Variants in KCNMA1 observed in about 807,000 individuals in gnomAD.
KCNMA1 encodes the protein potassium calcium-activated channel subfamily M alpha 1, also known as Calcium-activated potassium channel subunit alpha-1.
A neutral mutation model predicts 140.0 loss-of-function variants in KCNMA1; 29 were observed. That is an observed-to-expected ratio of 0.21 (90% CI 0.15 to 0.28). KCNMA1 has a LOEUF of 0.28. KCNMA1 is among the 10% of genes least tolerant of loss of function. KCNMA1 has a pLI of 1.00. For missense variants in KCNMA1, 880 were observed against 1,602.2 expected, an observed-to-expected ratio of 0.55 and a Z score of 7.70; for synonymous variants, 612 against 611.9, an observed-to-expected ratio of 1.00 and a Z score of 0.00.
chr10:77,475,109 GC>G (rs1314944727), intron 1 of KCNMA1, among the ~76,000 whole-genome samples: 25 of 152,164 alleles, frequency 1.6e-4, no homozygotes, highest in African/African-American at 6.0e-4. Context: ...TTTGCTAAGT[GC>G]CTCAACTTGT....
chr10:76,985,177 G>A (rs534487961), intron 19 of KCNMA1, among the ~76,000 whole-genome samples: 2 of 152,306 alleles, frequency 1.3e-5, no homozygotes, highest in African/African-American at 4.8e-5. Context: ...ATTACCTGAA[G>A]TATGGGTTAT....
At chr10:77,246,406 T>C (rs910993804) in intron 3 of KCNMA1, among the ~76,000 whole-genome samples, 1 of 152,224 alleles carries the variant, frequency 6.6e-6, no homozygotes, top group Non-Finnish European at 1.5e-5. Context: ...AGACAGTACA[T>C]AATCAGTGAA....
intron 1 of KCNMA1, among the ~76,000 whole-genome samples, chr10:77,559,920 A>G (rs2619639): frequency 0.94 from 143,629 of 152,164 alleles, 67,952 homozygotes; most frequent in Middle Eastern, 0.99. Flanking sequence ...GCTCACACCT[A>G]TAATCCCAGC....
At chr10:77,311,311 G>A (rs1342534013) in intron 2 of KCNMA1, among the ~76,000 whole-genome samples, 2 of 152,190 alleles carry the variant, frequency 1.3e-5, no homozygotes, top group East Asian at 3.9e-4. Context: ...AGGACCAGTA[G>A]CAGCCCCTGT....
At chr10:76,947,690 A>T (rs901040550) in intron 22 of KCNMA1, among the ~76,000 whole-genome samples, 15 of 152,328 alleles carry the variant, frequency 9.8e-5, no homozygotes, top group African/African-American at 3.4e-4. Flanking sequence ...GTGCTCACTA[A>T]GGCAGTGGGT....
At chr10:77,106,538 T>TAA (rs5786261) in intron 9 of KCNMA1, among the ~76,000 whole-genome samples, 99 of 148,366 alleles carry the variant, frequency 6.7e-4, no homozygotes, top group East Asian at 1.6e-3. Flanking sequence ...ATTATTTCAT[T>TAA]AAAAAAAAAA....
chr10:77,577,956 C>T (rs892584805), intron 1 of KCNMA1, among the ~76,000 whole-genome samples: 1 of 152,246 alleles, frequency 6.6e-6, no homozygotes, highest in African/African-American at 2.4e-5. Flanking sequence ...CAGGTGCCTC[C>T]TGCCCTATTT....
At chr10:77,422,332 A>T (rs141266370) in intron 1 of KCNMA1, among the ~76,000 whole-genome samples, 2 of 152,344 alleles carry the variant, frequency 1.3e-5, no homozygotes, top group African/African-American at 4.8e-5. Context: ...AAGAATTTAC[A>T]TGCCTTACAT....
intron 1 of KCNMA1, chr10:77,636,214 T>G (rs2093705966): frequency 3.5e-6 from 5 of 1,428,574 alleles, no homozygotes. Flanking sequence ...TCCAGTTCTT[T>G]CTTTTTTATT....
rs182922065 is a variant in KCNMA1 at position 77,096,817 on chromosome 10, C to T, written c.1224-6307G>A. Among the ~76,000 whole-genome samples the T allele has an allele frequency of 3.0e-3, 460 of 152,272 alleles. 4 individuals carry two copies. The highest frequency in any genetic ancestry group is 0.025 in the Admixed American group (381 of 15,304). On this transcript the variant is annotated intron_variant, in intron 9 of 27. Coordinates refer to ENST00000286628, the MANE Select transcript of KCNMA1 (RefSeq NM_001161352.2). ...AAAACTATAATATTTATATCAAATA[C>T]ATATGCTAGACTCTCTGTCTTTCTG...
intron 1 of KCNMA1, among the ~76,000 whole-genome samples, chr10:77,564,267 C>A (rs1477497807): frequency 6.6e-6 from 1 of 152,152 alleles, no homozygotes; most frequent in Non-Finnish European, 1.5e-5. Flanking sequence ...TGGCTCTCAC[C>A]ACGCTGATCA....
intron 16 of KCNMA1, among the ~76,000 whole-genome samples, chr10:77,025,903 C>G (rs2093402284): frequency 6.6e-6 from 1 of 151,414 alleles, no homozygotes; most frequent in African/African-American, 2.4e-5. Context: ...CACACTGAGA[C>G]CAAGCCACAT....
intron 19 of KCNMA1, among the ~76,000 whole-genome samples, chr10:76,984,618 C>T (rs2080658432): frequency 6.6e-6 from 1 of 152,084 alleles, no homozygotes; most frequent in Admixed American, 6.6e-5. Context: ...GAATAGAAGC[C>T]TATGGGATTA....
chr10:77,419,755 A>G (rs1201900299), intron 1 of KCNMA1, among the ~76,000 whole-genome samples: 2 of 152,208 alleles, frequency 1.3e-5, no homozygotes, highest in African/African-American at 2.4e-5. Flanking sequence ...CATTGCCAGC[A>G]TTTATTAAGT....
chr10:77,280,689 GC>G (rs2068212924), intron 2 of KCNMA1, among the ~76,000 whole-genome samples: 1 of 134,486 alleles, frequency 7.4e-6, no homozygotes, highest in South Asian at 2.4e-4. Flanking sequence ...ACCATGCCTG[GC>G]TTTTTTTTTT....
At chr10:76,946,444 C>T (rs2152904922) in intron 22 of KCNMA1, among the ~76,000 whole-genome samples, 1 of 152,300 alleles carries the variant, frequency 6.6e-6, no homozygotes, top group South Asian at 2.1e-4. Flanking sequence ...GGAGAACTGG[C>T]TTTGGAAAGA....
At chr10:77,318,232 G>A (rs905685233) in intron 2 of KCNMA1, among the ~76,000 whole-genome samples, 2 of 152,124 alleles carry the variant, frequency 1.3e-5, no homozygotes, top group African/African-American at 4.8e-5. Flanking sequence ...CTGAGCTTAG[G>A]ATTTTACCTG....
rs78510584 is a variant in KCNMA1 at position 76,957,776 on chromosome 10, G to A, written c.2361-3852C>T. On this transcript the variant is annotated intron_variant, in intron 20 of 27. Transcript: ENST00000286628. The stretch of plus-strand genomic sequence containing the variant: ...AGAGTGAAGATGAGAGGTAAGCAGC[G>A]TGGGAGAGGGATTAATTTATGGCTC... 4.7e-3 allele frequency among the ~76,000 whole-genome samples: 715 copies of A among 152,306 alleles called. 1 individual carries two copies. The highest frequency in any genetic ancestry group is 0.015 in the African/African-American group (637 of 41,576).
At chr10:77,503,231 G>T (rs1422921753) in intron 1 of KCNMA1, among the ~76,000 whole-genome samples, 3 of 152,188 alleles carry the variant, frequency 2.0e-5, no homozygotes, top group South Asian at 2.1e-4. Flanking sequence ...AGTGGTAAGA[G>T]ACTTCCTAGT....
Sources: gnomAD v4.1 joint callset for allele counts (sites outside exome capture counted in the v4.1 genomes callset) on GRCh38, gnomAD v4.1.1 for gene constraint, MANE v1.5 for transcripts, NCBI Gene and HGNC (gene_info 2026-07-23, HGNC 2026-07-21) for gene names.